Variants in HS3ST4 observed in about 807,000 individuals in gnomAD.
HS3ST4 encodes heparan sulfate glucosamine 3-O-sulfotransferase 4.
HS3ST4 carries 17 observed loss-of-function variants against 29.2 expected under a neutral mutation model. The ratio of observed to expected loss-of-function variants is 0.58; its 90% confidence interval spans 0.40 to 0.87. The LOEUF (loss-of-function observed/expected upper bound fraction) is 0.87. Among genes scored for constraint, HS3ST4 ranks in the 40% least tolerant of loss-of-function variants. The pLI is 0.00. For missense variants in HS3ST4, 627 were observed against 634.5 expected, an observed-to-expected ratio of 0.99 and a Z score of 0.13; for synonymous variants, 314 against 285.7, an observed-to-expected ratio of 1.10 and a Z score of -1.00.
intron 1 of HS3ST4, among the ~76,000 whole-genome samples, chr16:25,900,219 A>G (rs1209848939): frequency 1.3e-5 from 2 of 152,124 alleles, no homozygotes; most frequent in African/African-American, 2.4e-5. Flanking sequence ...AAAACAGCTT[A>G]TATTTATTCA....
chr16:25,797,456 G>A (rs1966892883), intron 1 of HS3ST4, among the ~76,000 whole-genome samples: 2 of 152,110 alleles, frequency 1.3e-5, no homozygotes, highest in South Asian at 4.1e-4. Context: ...CTTATTCTCA[G>A]GTTAGTTAGG....
At chr16:26,097,046 A>G (rs141696504) in intron 1 of HS3ST4, among the ~76,000 whole-genome samples, 3 of 152,234 alleles carry the variant, frequency 2.0e-5, no homozygotes, top group Non-Finnish European at 2.9e-5. Flanking sequence ...GGACCTCTTC[A>G]AGGAGAACTA....
chr16:26,112,941 G>A (rs534977583), intron 1 of HS3ST4, among the ~76,000 whole-genome samples: 8 of 152,200 alleles, frequency 5.3e-5, no homozygotes, highest in Admixed American at 1.3e-4. Flanking sequence ...TCCATTGCTC[G>A]GAACATACCC....
intron 1 of HS3ST4, among the ~76,000 whole-genome samples, chr16:25,945,711 G>A (rs1968618962): frequency 6.6e-6 from 1 of 152,126 alleles, no homozygotes; most frequent in African/African-American, 2.4e-5. Context: ...GTAATGAAAT[G>A]AGATCATATA....
intron 1 of HS3ST4, among the ~76,000 whole-genome samples, chr16:25,950,993 G>A (rs1968679359): frequency 6.6e-6 from 1 of 152,100 alleles, no homozygotes; most frequent in African/African-American, 2.4e-5. Context: ...GTCCTAAACA[G>A]CATGTAGACT....
intron 1 of HS3ST4, among the ~76,000 whole-genome samples, chr16:25,726,468 A>ACAC (rs1966535680): frequency 6.6e-6 from 1 of 152,158 alleles, no homozygotes; most frequent in East Asian, 1.9e-4. Context: ...ACACACACAT[A>ACAC]CACACACAGA....
At chr16:26,133,369 G>A (rs1394118685) in intron 1 of HS3ST4, among the ~76,000 whole-genome samples, 2 of 152,174 alleles carry the variant, frequency 1.3e-5, no homozygotes, top group African/African-American at 4.8e-5. Context: ...AAGGTAGCAT[G>A]GGTAATCAGA....
At chr16:26,058,579 A>T (rs1263428565) in intron 1 of HS3ST4, among the ~76,000 whole-genome samples, 3 of 152,126 alleles carry the variant, frequency 2.0e-5, no homozygotes, top group African/African-American at 7.2e-5. Flanking sequence ...TGATTACAGG[A>T]TTCTTTCCTG....
chr16:25,701,997 A>G (rs990771806), intron 1 of HS3ST4, among the ~76,000 whole-genome samples: 2 of 152,250 alleles, frequency 1.3e-5, no homozygotes, highest in African/African-American at 2.4e-5. Flanking sequence ...ACAACCTGCT[A>G]TTAAAATAGG....
chr16:25,749,140 C>T (rs4787755), intron 1 of HS3ST4, among the ~76,000 whole-genome samples: 136,085 of 152,204 alleles, frequency 0.89, 60,924 homozygotes, highest in Middle Eastern at 0.94. Flanking sequence ...TTTAGATATA[C>T]GCCAGGCATT....
intron 1 of HS3ST4, among the ~76,000 whole-genome samples, chr16:25,778,934 C>T (rs370278513): frequency 1.2e-4 from 19 of 152,232 alleles, no homozygotes; most frequent in African/African-American, 4.6e-4. Context: ...GTTAGTTTAC[C>T]ACATGGATTT....
chr16:25,904,441 C>T (rs989142928), intron 1 of HS3ST4, among the ~76,000 whole-genome samples: 3 of 152,124 alleles, frequency 2.0e-5, no homozygotes, highest in African/African-American at 7.2e-5. Flanking sequence ...TTTTTAAAAT[C>T]GAATATACTT....
chr16:26,125,468 C>T (rs764442927), intron 1 of HS3ST4, among the ~76,000 whole-genome samples: 1 of 152,348 alleles, frequency 6.6e-6, no homozygotes, highest in South Asian at 2.1e-4. Flanking sequence ...GGCAGTAATG[C>T]CCACTGGGCC....
chr16:25,767,832 C>T (rs1382854685), intron 1 of HS3ST4, among the ~76,000 whole-genome samples: 2 of 152,146 alleles, frequency 1.3e-5, no homozygotes, highest in Non-Finnish European at 2.9e-5. Flanking sequence ...TAGTGAGTGC[C>T]AAAGCTGCCA....
intron 1 of HS3ST4, among the ~76,000 whole-genome samples, chr16:26,068,178 T>C (rs1898562504): frequency 6.6e-6 from 1 of 152,216 alleles, no homozygotes; most frequent in Non-Finnish European, 1.5e-5. Context: ...ATTTTCCTCC[T>C]CCTCTTAATT....
chr16:25,972,942 T>A (rs1440350854), intron 1 of HS3ST4, among the ~76,000 whole-genome samples: 1 of 152,244 alleles, frequency 6.6e-6, no homozygotes, highest in African/African-American at 2.4e-5. Context: ...TTATGCCATT[T>A]TTCCCAGCAA....
intron 1 of HS3ST4, among the ~76,000 whole-genome samples, chr16:26,023,479 A>G (rs1467575158): frequency 6.6e-6 from 1 of 152,038 alleles, no homozygotes. Flanking sequence ...AGCCCACTGC[A>G]ACCTCAAACT....
intron 1 of HS3ST4, among the ~76,000 whole-genome samples, chr16:26,103,352 C>G (rs1899011319): frequency 6.6e-6 from 1 of 152,138 alleles, no homozygotes; most frequent in Non-Finnish European, 1.5e-5. Context: ...AACACAGGGC[C>G]ATGTGACTCC....
rs1156293703 is a variant in HS3ST4 at position 26,032,338 on chromosome 16, A to G, written c.735-103274A>G. 4.6e-5 allele frequency among the ~76,000 whole-genome samples: 7 copies of G among 152,230 alleles called. No individual in the cohort carries two copies. In the South Asian group the frequency reaches 8.3e-4, roughly 18 times the overall value. ...AGGGAAAGGTGTTTTCTCCACATCA[A>G]TCCAGCTTTGGAGACATTCTATTAG... On this transcript the variant is annotated intron_variant, in intron 1 of 1. Transcript: ENST00000331351.
Sources: allele counts gnomAD v4.1 joint callset (sites outside exome capture counted in the v4.1 genomes callset), GRCh38; gene constraint gnomAD v4.1.1; transcripts MANE v1.5; gene names NCBI Gene and HGNC (gene_info 2026-07-23, HGNC 2026-07-21).